Variants in OSBPL10 observed in about 807,000 individuals in gnomAD.
OSBPL10 encodes oxysterol binding protein like 10, also known as oxysterol-binding protein-related protein 10.
OSBPL10 carries 49 observed loss-of-function variants against 81.7 expected under a neutral mutation model. That is an observed-to-expected ratio of 0.60 (90% CI 0.48 to 0.76). The LOEUF (loss-of-function observed/expected upper bound fraction) is 0.76. OSBPL10 is among the 30% of genes least tolerant of loss of function. OSBPL10 has a pLI of 0.00. For missense variants in OSBPL10, 923 were observed against 987.8 expected (o/e 0.93, Z 0.88); for synonymous variants, 419 against 383.6 (o/e 1.09, Z -1.08).
At chr3:31,830,379 G>A in intron 3 of OSBPL10, 148 bp from the exon 4 acceptor site, 1 of 765,136 alleles carries the variant, frequency 1.3e-6, no homozygotes, top group Non-Finnish European at 2.0e-6. Flanking sequence ...AACACTGCAT[G>A]CCCAAATCCC....
intron 3 of OSBPL10, among the ~76,000 whole-genome samples, chr3:31,858,880 C>T (rs1351290035): frequency 6.6e-6 from 1 of 152,204 alleles, no homozygotes; most frequent in Non-Finnish European, 1.5e-5. Flanking sequence ...TTCTTAGCCA[C>T]TCCTTCATGA....
rs568637143 is a variant in OSBPL10 at position 31,877,069 on chromosome 3, A to AT, written c.458-558dup. Among the ~76,000 whole-genome samples, 84 of 151,502 alleles carry AT rather than the reference A, an allele frequency of 5.5e-4. No individual in the cohort carries two copies. The East Asian group carries it at 0.013, about 23-fold the overall frequency. ...CAGGCACCCGCTACCATGCCCGGCT[A>AT]TTTTTTTTGTATTTTTTAGTAGAGA... On this transcript the variant is annotated intron_variant, in intron 2 of 11. Transcript: ENST00000396556.
At chr3:31,751,592 T>C (rs2125704572) in intron 4 of OSBPL10, among the ~76,000 whole-genome samples, 1 of 152,214 alleles carries the variant, frequency 6.6e-6, no homozygotes, top group South Asian at 2.1e-4. Context: ...CAAAGAACAC[T>C]GCCGTTTAAA....
chr3:31,679,454 A>G (rs569203414), intron 8 of OSBPL10, among the ~76,000 whole-genome samples: 1 of 152,344 alleles, frequency 6.6e-6, no homozygotes, highest in East Asian at 1.9e-4. Flanking sequence ...TCACTTCACA[A>G]ATAAATGGAT....
chr3:31,800,827 A>C (rs1455911697), intron 4 of OSBPL10, among the ~76,000 whole-genome samples: 1 of 152,354 alleles, frequency 6.6e-6, no homozygotes, highest in Non-Finnish European at 1.5e-5. Flanking sequence ...CAGAAGAAAA[A>C]TGTCATCAGA....
chr3:31,979,589 T>A (rs1293175656), intron 1 of OSBPL10, among the ~76,000 whole-genome samples: 1 of 152,112 alleles, frequency 6.6e-6, no homozygotes, highest in Non-Finnish European at 1.5e-5. Context: ...CCAAGTCTAT[T>A]AAGATCTGGA....
intron 1 of OSBPL10, among the ~76,000 whole-genome samples, chr3:31,923,615 C>A (rs1310309858): frequency 6.6e-6 from 1 of 152,054 alleles, no homozygotes; most frequent in Non-Finnish European, 1.5e-5. Context: ...TATAACAAGA[C>A]CCCATCTCTA....
chr3:31,764,303 G>A (rs1462051993), intron 4 of OSBPL10, among the ~76,000 whole-genome samples: 1 of 152,230 alleles, frequency 6.6e-6, no homozygotes, highest in African/African-American at 2.4e-5. Context: ...CAGCCTGCTG[G>A]TGGAATCAGT....
intron 7 of OSBPL10, chr3:31,700,343 C>G (rs1437547597): frequency 2.6e-5 from 4 of 152,090 alleles, no homozygotes; most frequent in Non-Finnish European, 5.9e-5. Context: ...ACAGGAATAA[C>G]GTGAAGTCGC....
At chr3:31,729,085 A>G (rs1436172943) in intron 6 of OSBPL10, among the ~76,000 whole-genome samples, 1 of 152,214 alleles carries the variant, frequency 6.6e-6, no homozygotes, top group Admixed American at 6.5e-5. Context: ...ATTTGTTAAA[A>G]CTGAGAACCT....
intron 2 of OSBPL10, among the ~76,000 whole-genome samples, chr3:32,007,947 C>T (rs1233505731): frequency 2.6e-5 from 4 of 151,876 alleles, no homozygotes; most frequent in Non-Finnish European, 4.4e-5. Flanking sequence ...TCAGGTGATC[C>T]GCCCACCTCA....
intron 4 of OSBPL10, among the ~76,000 whole-genome samples, chr3:31,817,602 C>T (rs1453883749): frequency 1.3e-5 from 2 of 152,252 alleles, no homozygotes; most frequent in Non-Finnish European, 2.9e-5. Flanking sequence ...CTCCCAGCCC[C>T]GTCTAAGACC....
chr3:31,750,629 A>C (rs1697683150), intron 4 of OSBPL10, among the ~76,000 whole-genome samples: 1 of 152,200 alleles, frequency 6.6e-6, no homozygotes, highest in African/African-American at 2.4e-5. Flanking sequence ...ATGGATTTCG[A>C]GCTATTTGTA....
intron 1 of OSBPL10, among the ~76,000 whole-genome samples, chr3:31,905,083 A>C (rs1466368403): frequency 6.6e-6 from 1 of 152,214 alleles, no homozygotes; most frequent in Non-Finnish European, 1.5e-5. Flanking sequence ...TTAAAATAGT[A>C]TCTGGCACAC....
intron 1 of OSBPL10, among the ~76,000 whole-genome samples, chr3:31,921,420 G>A (rs1188717817): frequency 6.6e-6 from 1 of 152,170 alleles, no homozygotes; most frequent in African/African-American, 2.4e-5. Context: ...AGAGCATCTT[G>A]TAGTACCAGG....
chr3:31,663,351 C>T lies in OSBPL10; in HGVS notation c.2250+728G>A, dbSNP rs1008135912. ...GGCATCTGCCCCAGCCCTCACCGGC[C>T]TGCTCTTCATTGATGTTGCTGGGTT... On this transcript the variant is annotated intron_variant, in intron 11 of 11. Coordinates refer to ENST00000396556, the MANE Select transcript of OSBPL10 (RefSeq NM_017784.5). 12 of 985,702 alleles carry T rather than the reference C, an allele frequency of 1.2e-5. 1 individual carries two copies. The highest frequency in any genetic ancestry group is 1.1e-4 in the East Asian group (1 of 8,824). 61.1% of individuals were successfully genotyped at this position (985,702 alleles called of 1,614,324 possible).
intron 1 of OSBPL10, among the ~76,000 whole-genome samples, chr3:31,929,290 G>T (rs996312329): frequency 1.3e-5 from 2 of 152,060 alleles, no homozygotes; most frequent in African/African-American, 2.4e-5. Context: ...ATAAGAACCA[G>T]CATTTTTTAA....
intron 2 of OSBPL10, among the ~76,000 whole-genome samples, chr3:31,994,340 CAT>C (rs1210136125): frequency 6.6e-6 from 1 of 152,130 alleles, no homozygotes; most frequent in Non-Finnish European, 1.5e-5. Flanking sequence ...CTCCAGGCCT[CAT>C]AGAAACTCAT....
At chr3:32,005,833 A>G (rs1323497039) in intron 2 of OSBPL10, among the ~76,000 whole-genome samples, 1 of 151,958 alleles carries the variant, frequency 6.6e-6, no homozygotes, top group East Asian at 1.9e-4. Context: ...TGATCCGCCC[A>G]CCTCAGGACT....
Sources: gnomAD v4.1 joint callset for allele counts (sites outside exome capture counted in the v4.1 genomes callset) on GRCh38, gnomAD v4.1.1 for gene constraint, MANE v1.5 for transcripts, NCBI Gene and HGNC (gene_info 2026-07-23, HGNC 2026-07-21) for gene names.